MAP3K20: variants seen among roughly 807,000 people sequenced by gnomAD.
MAP3K20 encodes the protein HCCS-4.
In MAP3K20, 40 loss-of-function variants were observed where a neutral mutation model predicts 85.7. The ratio of observed to expected loss-of-function variants is 0.47; its 90% CI spans 0.36 to 0.61. The LOEUF is 0.61. MAP3K20 is among the 20% of genes least tolerant of loss of function. The probability of loss-of-function intolerance (pLI) is 0.00; values close to 1 mark genes in which losing one functional copy is unlikely to be tolerated. For synonymous variants in MAP3K20, 325 were observed against 327.7 expected (o/e 0.99, Z 0.09); for missense variants, 817 against 961.7 (o/e 0.85, Z 1.99).
At chr2:173,233,838 C>CT (rs1684583990) in intron 14 of MAP3K20, among the ~76,000 whole-genome samples, 1 of 152,204 alleles carries the variant, frequency 6.6e-6, no homozygotes, top group Admixed American at 6.5e-5. Context: ...TCTCAGCACC[C>CT]TTTGCGTAAC....
At chr2:173,246,649 T>C (rs372329437) in intron 16 of MAP3K20, among the ~76,000 whole-genome samples, 59 of 152,312 alleles carry the variant, frequency 3.9e-4, no homozygotes, top group African/African-American at 1.3e-3. Flanking sequence ...AGGAACTCTT[T>C]GGGGAGTCGT....
chr2:173,076,315 C>T (rs1573991012), intron 1 of MAP3K20, among the ~76,000 whole-genome samples: 1 of 152,216 alleles, frequency 6.6e-6, no homozygotes, highest in Non-Finnish European at 1.5e-5. Flanking sequence ...CGCCTGGAGG[C>T]GCGGGCGCAG....
At chr2:173,175,020 G>A (rs1419287574) in intron 3 of MAP3K20, among the ~76,000 whole-genome samples, 3 of 152,096 alleles carry the variant, frequency 2.0e-5, no homozygotes, top group Admixed American at 6.5e-5. Context: ...GTGACATCCC[G>A]CAGTTGGAAT....
intron 1 of MAP3K20, among the ~76,000 whole-genome samples, chr2:173,084,643 A>G (rs2106139481): frequency 6.6e-6 from 1 of 152,320 alleles, no homozygotes; most frequent in East Asian, 1.9e-4. Flanking sequence ...ATTGCTCTAC[A>G]AAACTAAGAG....
chr2:173,144,811 T>C (rs889418030), intron 2 of MAP3K20, among the ~76,000 whole-genome samples: 10 of 152,200 alleles, frequency 6.6e-5, no homozygotes, highest in Admixed American at 5.9e-4. Context: ...AAAAATCAAA[T>C]TGGAGGATTC....
intron 11 of MAP3K20, chr2:173,226,837 A>G (rs1338238933): frequency 1.0e-6 from 1 of 984,644 alleles, no homozygotes; most frequent in Non-Finnish European, 1.2e-6. Context: ...TGAGCTTTGA[A>G]TAGATGGCAT....
At chr2:173,248,799 A>G (rs1474458721) in intron 16 of MAP3K20, among the ~76,000 whole-genome samples, 1 of 152,194 alleles carries the variant, frequency 6.6e-6, no homozygotes, top group African/African-American at 2.4e-5. Flanking sequence ...AGCTCATGAG[A>G]GCTGGCTCCA....
At chr2:173,088,881 T>A (rs1473683765) in intron 1 of MAP3K20, among the ~76,000 whole-genome samples, 9 of 152,210 alleles carry the variant, frequency 5.9e-5, no homozygotes, top group Admixed American at 5.9e-4. Context: ...TAGACTATAT[T>A]TGGATACTAT....
At chr2:173,177,785 A>G (rs1236477730) in intron 3 of MAP3K20, among the ~76,000 whole-genome samples, 1 of 152,174 alleles carries the variant, frequency 6.6e-6, no homozygotes, top group Non-Finnish European at 1.5e-5. Flanking sequence ...AAAATGTAAC[A>G]TATCAAAATT....
rs1224440542 is a variant in MAP3K20, at chr2:173,091,235, T to C, written c.159+45T>C. 1.4e-5 allele frequency: 22 copies of C among 1,585,534 alleles called. No individual in the cohort carries two copies. The African/African-American group carries it at 2.7e-4, about 20-fold the overall frequency. ...ACAGAAACAGTCACGATACCATTTA[T>C]GTAAGCTTTTTCAACCTCGAGTTAG... On this transcript the variant is annotated intron_variant, in intron 2 of 19. Transcript: ENST00000375213.
chr2:173,214,132 T>C (rs1426357757), intron 10 of MAP3K20: 2 of 152,244 alleles, frequency 1.3e-5, no homozygotes, highest in African/African-American at 2.4e-5. Flanking sequence ...TGAATGGTTA[T>C]TCTGAAATTC....
intron 19 of MAP3K20, 139 bp from the exon 20 acceptor site, chr2:173,265,911 T>C: frequency 1.2e-6 from 1 of 833,480 alleles, no homozygotes; most frequent in Non-Finnish European, 1.8e-6. Flanking sequence ...GAAACGTCCT[T>C]ATACATAGCC....
At chr2:173,136,495 C>T (rs76792831) in intron 2 of MAP3K20, among the ~76,000 whole-genome samples, 8,906 of 152,162 alleles carry the variant, frequency 0.059, 328 homozygotes, top group African/African-American at 0.1. Context: ...AGAGCCTCGA[C>T]AGAGAAGGAA....
chr2:173,128,330 TA>T (rs899784941), intron 2 of MAP3K20, among the ~76,000 whole-genome samples: 5 of 151,308 alleles, frequency 3.3e-5, no homozygotes, highest in African/African-American at 1.2e-4. Flanking sequence ...TTTATTTATT[TA>T]TTTATTTATT....
rs947672172 is a variant in MAP3K20 at position 173,179,701 on chromosome 2, T to TGCGCGC, written c.248-3149_248-3148insGCGCGC. Among the ~76,000 whole-genome samples, 6 of 95,694 alleles carry TGCGCGC rather than the reference T, an allele frequency of 6.3e-5. No individual in the cohort carries two copies. The East Asian group carries it at 1.1e-3, about 17-fold the overall frequency. The allele number at this position is 95,694 out of a possible 152,430, so 62.8% of individuals were successfully genotyped here. ...CCTATAGGTAGAAAATCCTAAGGAA[T>TGCGCGC]GCGCACACACACACACACACACACA... On this transcript the variant is annotated intron_variant, in intron 3 of 19. Coordinates refer to ENST00000375213, the MANE Select transcript of MAP3K20 (RefSeq NM_016653.3).
rs901514736 is a variant in MAP3K20, at chr2:173,267,304, GCTT to G, written c.*558_*560del. On this transcript the variant is annotated 3_prime_UTR_variant, in exon 20 of 20. Transcript: ENST00000375213. ...GTTTTTTGGTTTGAGGTTTTTTGTT[GCTT>G]CTTTTTTCTTTTCTTTCTTTCCCCC... The G allele has an allele frequency of 7.9e-5, 12 of 151,808 alleles. No homozygotes were observed. The highest frequency in any genetic ancestry group is 2.7e-4 in the African/African-American group (11 of 41,318). The allele number at this position is 151,808 out of a possible 1,614,324, so 9.4% of individuals were successfully genotyped here. A position where few individuals can be genotyped will look rare whatever the true frequency, so the allele number is the denominator to read the frequency against.
chr2:173,242,672 C>G (rs929738544), intron 16 of MAP3K20, among the ~76,000 whole-genome samples: 1 of 145,804 alleles, frequency 6.9e-6, no homozygotes, highest in Non-Finnish European at 1.5e-5. Flanking sequence ...TCTGCTGTTC[C>G]TTGGTCACCC....
intron 14 of MAP3K20, among the ~76,000 whole-genome samples, chr2:173,237,019 CT>C (rs368196400): frequency 5.9e-3 from 447 of 75,540 alleles, no homozygotes; most frequent in Middle Eastern, 0.023. Context: ...GTATATCCAC[CT>C]TTTTTTTTTT....
At chr2:173,110,204 T>C (rs1435983949) in intron 2 of MAP3K20, among the ~76,000 whole-genome samples, 2 of 6,848 alleles carry the variant, frequency 2.9e-4, no homozygotes, top group Admixed American at 3.2e-3. Context: ...GTTATACATA[T>C]ATATATATAT....
Sources: allele counts gnomAD v4.1 joint callset (sites outside exome capture counted in the v4.1 genomes callset), GRCh38; gene constraint gnomAD v4.1.1; transcripts MANE v1.5; gene names NCBI Gene and HGNC (gene_info 2026-07-23, HGNC 2026-07-21).